VPS4B: variants seen among roughly 807,000 people sequenced by gnomAD.
VPS4B encodes vacuolar protein sorting 4 homolog B.
VPS4B carries 23 observed loss-of-function variants against 56.1 expected under a neutral mutation model. That is an observed-to-expected ratio of 0.41 (90% CI 0.30 to 0.58). The LOEUF (loss-of-function observed/expected upper bound fraction) is 0.58. VPS4B is among the 20% of genes least tolerant of loss of function. The probability of loss-of-function intolerance (pLI) is 0.29; values close to 1 mark genes in which losing one functional copy is unlikely to be tolerated. For synonymous variants in VPS4B, 177 were observed against 186.0 expected (o/e 0.95, Z 0.39); for missense variants, 372 against 531.9 (o/e 0.70, Z 2.96).
intron 1 of VPS4B, chr18:63,416,574 C>T (rs964578432): frequency 2.0e-5 from 3 of 152,226 alleles, no homozygotes; most frequent in African/African-American, 7.2e-5. Flanking sequence ...AAAACTACTA[C>T]CCAGCCTCGT....
intron 5 of VPS4B, among the ~76,000 whole-genome samples, chr18:63,401,043 C>T (rs923827179): frequency 2.0e-5 from 3 of 152,212 alleles, no homozygotes; most frequent in Non-Finnish European, 4.4e-5. Flanking sequence ...TTAAAAGGTA[C>T]TTTCTGATCA....
At chr18:63,400,790 A>G (rs1241131935) in intron 5 of VPS4B, 87 bp from the exon 6 acceptor site, 5 of 1,251,758 alleles carry the variant, frequency 4.0e-6, no homozygotes, top group Non-Finnish European at 5.6e-6. Flanking sequence ...AAAGATTTTC[A>G]CTCTAAACCT....
chr18:63,410,779 TAGA>T (rs1916023428), intron 2 of VPS4B, among the ~76,000 whole-genome samples: 1 of 152,252 alleles, frequency 6.6e-6, no homozygotes, highest in Admixed American at 6.5e-5. Context: ...TTGCTTGTCT[TAGA>T]CAAACCCAAT....
At chr18:63,393,064 A>T (rs186137704) in intron 10 of VPS4B, among the ~76,000 whole-genome samples, 37 of 152,174 alleles carry the variant, frequency 2.4e-4, no homozygotes, top group Admixed American at 2.2e-3. Flanking sequence ...ATGCAGGGGA[A>T]AAAAAATATT....
intron 4 of VPS4B, among the ~76,000 whole-genome samples, chr18:63,405,076 G>C (rs982729192): frequency 2.0e-5 from 3 of 152,052 alleles, no homozygotes; most frequent in Non-Finnish European, 4.4e-5. Context: ...TTTTAAAAAT[G>C]TGTCATGATT....
At chr18:63,392,615 A>G (rs761723648) in intron 10 of VPS4B, among the ~76,000 whole-genome samples, 2 of 151,640 alleles carry the variant, frequency 1.3e-5, no homozygotes, top group Non-Finnish European at 2.9e-5. Context: ...CGTCTGGCTA[A>G]CTTTTTGTAT....
chr18:63,406,085 A>G (rs2144425863), intron 4 of VPS4B, among the ~76,000 whole-genome samples: 1 of 152,366 alleles, frequency 6.6e-6, no homozygotes, highest in Admixed American at 6.5e-5. Context: ...AAACAAAACC[A>G]AATCCAATAG....
intron 10 of VPS4B, 133 bp from the exon 11 acceptor site, chr18:63,391,209 A>C: frequency 1.6e-6 from 1 of 627,902 alleles, no homozygotes; most frequent in Non-Finnish European, 2.8e-6. Context: ...GCCATAAGAT[A>C]CTAACGATAA....
At chr18:63,401,583 A>C (rs1013011461) in intron 5 of VPS4B, among the ~76,000 whole-genome samples, 1 of 152,220 alleles carries the variant, frequency 6.6e-6, no homozygotes, top group African/African-American at 2.4e-5. Context: ...TTTTGCCAAA[A>C]TATAACCAGT....
chr18:63,393,581 T>C (rs771460404), intron 9 of VPS4B, 32 bp from the exon 10 acceptor site: 2 of 1,524,100 alleles, frequency 1.3e-6, no homozygotes, highest in Non-Finnish European at 1.8e-6. Context: ...AATATGTATT[T>C]GAAACAAAAT....
At chr18:63,412,810 C>T (rs1916073999) in intron 1 of VPS4B, among the ~76,000 whole-genome samples, 1 of 152,080 alleles carries the variant, frequency 6.6e-6, no homozygotes. Flanking sequence ...CACAAGTCCA[C>T]ACCACCGCAC....
At chr18:63,401,059 T>C (rs1176288206) in intron 5 of VPS4B, among the ~76,000 whole-genome samples, 3 of 152,236 alleles carry the variant, frequency 2.0e-5, no homozygotes, top group Non-Finnish European at 4.4e-5. Flanking sequence ...GATCATCTAC[T>C]GTGTACACTG....
At chr18:63,402,605 A>G (rs970126845) in intron 5 of VPS4B, among the ~76,000 whole-genome samples, 1 of 152,238 alleles carries the variant, frequency 6.6e-6, no homozygotes, top group Non-Finnish European at 1.5e-5. Context: ...AATATTAAAA[A>G]TTAGTAATGG....
intron 9 of VPS4B, among the ~76,000 whole-genome samples, chr18:63,395,279 G>GA (rs1915645099): frequency 6.6e-6 from 1 of 152,278 alleles, no homozygotes; most frequent in Admixed American, 6.5e-5. Context: ...GAGAATTTAA[G>GA]AAAAAACATA....
chr18:63,421,075 A>C (rs1035993708), intron 1 of VPS4B, among the ~76,000 whole-genome samples: 1 of 151,996 alleles, frequency 6.6e-6, no homozygotes, highest in African/African-American at 2.4e-5. Context: ...AAAAGGAAAA[A>C]AACACAGACA....
At chr18:63,398,073 A>C (rs1005066437) in intron 8 of VPS4B, among the ~76,000 whole-genome samples, 3 of 152,114 alleles carry the variant, frequency 2.0e-5, no homozygotes, top group African/African-American at 7.2e-5. Context: ...AACTGTGAAG[A>C]GTGAAAAGTG....
At chr18:63,401,536 T>C (rs189949923) in intron 5 of VPS4B, among the ~76,000 whole-genome samples, 76 of 152,238 alleles carry the variant, frequency 5.0e-4, no homozygotes, top group African/African-American at 1.5e-3. Flanking sequence ...ACTTTCATGG[T>C]TGGGTAACAA....
At chr18:63,402,232 T>C (rs1205458917) in intron 5 of VPS4B, among the ~76,000 whole-genome samples, 1 of 151,596 alleles carries the variant, frequency 6.6e-6, no homozygotes, top group Non-Finnish European at 1.5e-5. Flanking sequence ...AGGTGGTATA[T>C]ACTTTAAATA....
chr18:63,415,916 C>T, intron 1 of VPS4B: 1 of 204,810 alleles, frequency 4.9e-6, no homozygotes, highest in Non-Finnish European at 1.0e-5. Flanking sequence ...AGCAGTACCA[C>T]CCTGGGTTGT....
Sources: allele counts gnomAD v4.1 joint callset (sites outside exome capture counted in the v4.1 genomes callset), GRCh38; gene constraint gnomAD v4.1.1; transcripts MANE v1.5; gene names NCBI Gene and HGNC (gene_info 2026-07-23, HGNC 2026-07-21).